RFX3: variants seen among roughly 807,000 people sequenced by gnomAD.
RFX3 encodes the protein regulatory factor X3.
In RFX3, 14 loss-of-function variants were observed where a neutral mutation model predicts 98.6. The observed-to-expected ratio is 0.14, with a 90% CI of 0.09 to 0.22. The LOEUF is 0.22. Among genes scored for constraint, RFX3 ranks in the 10% least tolerant of loss-of-function variants. RFX3 has a pLI of 1.00. For synonymous variants in RFX3, 383 were observed against 328.4 expected, an observed-to-expected ratio of 1.17 and a Z score of -1.80; for missense variants, 639 against 926.9, an observed-to-expected ratio of 0.69 and a Z score of 4.03.
At chr9:3,513,965 G>GAGA (rs1564195294) in intron 1 of RFX3, among the ~76,000 whole-genome samples, 2 of 152,042 alleles carry the variant, frequency 1.3e-5, no homozygotes, top group East Asian at 3.8e-4. Context: ...TAAAAATAAG[G>GAGA]AGATCAAATG....
At chr9:3,419,028 A>C (rs1235844774) in intron 1 of RFX3, among the ~76,000 whole-genome samples, 1 of 152,186 alleles carries the variant, frequency 6.6e-6, no homozygotes, top group Non-Finnish European at 1.5e-5. Flanking sequence ...GAATTTATAG[A>C]TTTGAATATC....
chr9:3,296,319 A>C (rs1827980542), intron 5 of RFX3, among the ~76,000 whole-genome samples: 2 of 152,026 alleles, frequency 1.3e-5, no homozygotes, highest in African/African-American at 4.8e-5. Flanking sequence ...CAAACTACTT[A>C]GAAGCCTAAA....
chr9:3,299,188 A>T (rs970101200), intron 5 of RFX3, among the ~76,000 whole-genome samples: 4 of 151,794 alleles, frequency 2.6e-5, no homozygotes, highest in Non-Finnish European at 5.9e-5. Context: ...CACTGAAAAA[A>T]TTCTACACAA....
At chr9:3,268,869 A>G (rs1824006424) in intron 11 of RFX3, among the ~76,000 whole-genome samples, 1 of 151,992 alleles carries the variant, frequency 6.6e-6, no homozygotes, top group South Asian at 2.1e-4. Context: ...CAAAAAAGAA[A>G]GTACTTGCTG....
intron 1 of RFX3, among the ~76,000 whole-genome samples, chr9:3,452,811 T>C (rs1846782364): frequency 6.6e-6 from 1 of 152,170 alleles, no homozygotes. Flanking sequence ...ATACTATAGG[T>C]TTCTGATTTC....
At chr9:3,525,509 G>T (rs1214095173) in intron 1 of RFX3, among the ~76,000 whole-genome samples, 1 of 151,824 alleles carries the variant, frequency 6.6e-6, no homozygotes, top group African/African-American at 2.4e-5. Flanking sequence ...GGCCGGGGCC[G>T]GCGGGCGGCG....
chr9:3,225,156 G>A lies in RFX3; in HGVS notation c.2136C>T (p.Leu712=), dbSNP rs113424988. The A allele has an allele frequency of 1.4e-5, 22 of 1,613,950 alleles. 1 individual carries two copies. In the East Asian group the frequency reaches 2.0e-4, roughly 15 times the overall value. The change falls in exon 17 of 17, where the codon CTC becomes CTT. Residue 712 remains leucine (L), a synonymous_variant. Coordinates refer to ENST00000617270, the MANE Select transcript of RFX3 (RefSeq NM_001282116.2). ...AFPVGCMQPV[L]ETGVQPSLLN... ...GGAGGCTTGGTTGCACGCCAGTCTC[G>A]AGAACAGGCTGCATGCAGCCCACTG...
At chr9:3,408,669 G>A (rs933533200) in intron 1 of RFX3, among the ~76,000 whole-genome samples, 6 of 151,332 alleles carry the variant, frequency 4.0e-5, no homozygotes, top group African/African-American at 1.5e-4. Flanking sequence ...CAGACAACAG[G>A]TCTTTGGTAT....
intron 1 of RFX3, among the ~76,000 whole-genome samples, chr9:3,457,629 T>C (rs1322559792): frequency 6.6e-6 from 1 of 152,156 alleles, no homozygotes; most frequent in Non-Finnish European, 1.5e-5. Context: ...CAAGCCTCAA[T>C]TCATTTTAGG....
intron 2 of RFX3, among the ~76,000 whole-genome samples, chr9:3,366,627 CTT>C (rs1318309811): frequency 6.7e-6 from 1 of 149,576 alleles, no homozygotes; most frequent in African/African-American, 2.5e-5. Flanking sequence ...GGCAAATTTT[CTT>C]TTCTTTTTTT....
At chr9:3,453,421 C>G (rs1191629414) in intron 1 of RFX3, 1 of 151,950 alleles carries the variant, frequency 6.6e-6, no homozygotes, top group Admixed American at 6.6e-5. Flanking sequence ...ATAATTCTGT[C>G]TCGGCACAGT....
intron 3 of RFX3, among the ~76,000 whole-genome samples, chr9:3,333,460 G>C (rs1587127006): frequency 7.2e-6 from 1 of 139,482 alleles, no homozygotes; most frequent in East Asian, 2.1e-4. Context: ...TTTCCAGATA[G>C]AAAAATGTCA....
intron 11 of RFX3, among the ~76,000 whole-genome samples, 165 bp downstream of exon 11, chr9:3,270,206 G>C (rs1029250828): frequency 3.3e-5 from 5 of 152,138 alleles, no homozygotes; most frequent in Non-Finnish European, 5.9e-5. Flanking sequence ...TTTTACTACA[G>C]TTTTGCTCTA....
In RFX3 at chr9:3,228,778, G is replaced by A. The variant is rs975148998; in HGVS notation, c.2011+69C>T. 1.3e-4 allele frequency: 162 copies of A among 1,291,050 alleles called. 2 individuals carry two copies. In the South Asian group the frequency reaches 1.8e-3, roughly 14 times the overall value. The allele number at this position is 1,291,050 out of a possible 1,614,324, so 80.0% of individuals were successfully genotyped here. Reference sequence around the variant, plus strand: ...AATCAGAGTGTTGTAAACATATACCGTATTTTCCTCTGTAAGAACTTATTA... The same window carrying A: ...AATCAGAGTGTTGTAAACATATACCATATTTTCCTCTGTAAGAACTTATTA... On this transcript the variant is annotated intron_variant, in intron 16 of 16. Transcript: ENST00000617270.
chr9:3,374,846 C>T (rs1055139344), intron 2 of RFX3, among the ~76,000 whole-genome samples: 1 of 116,652 alleles, frequency 8.6e-6, no homozygotes, highest in Admixed American at 1.0e-4. Flanking sequence ...TGTATTTTAC[C>T]ATAATTTTTA....
At chr9:3,316,070 A>G (rs765587453) in intron 4 of RFX3, among the ~76,000 whole-genome samples, 4 of 150,136 alleles carry the variant, frequency 2.7e-5, no homozygotes, top group Non-Finnish European at 3.0e-5. Context: ...GGGACACAAT[A>G]AAAAAAAAGA....
chr9:3,290,127 C>T (rs1827150949), intron 6 of RFX3, among the ~76,000 whole-genome samples: 1 of 151,588 alleles, frequency 6.6e-6, no homozygotes, highest in Non-Finnish European at 1.5e-5. Context: ...TTTAAACTCC[C>T]TCCATAGTAC....
intron 1 of RFX3, among the ~76,000 whole-genome samples, chr9:3,468,657 C>G (rs1848516820): frequency 6.6e-6 from 1 of 151,750 alleles, no homozygotes; most frequent in Non-Finnish European, 1.5e-5. Context: ...ACAGAAAAGG[C>G]AATGAATGTC....
chr9:3,504,875 T>TATAATATTATATATAACATATATTATATA (rs553624388), intron 1 of RFX3, among the ~76,000 whole-genome samples: 1 of 49,678 alleles, frequency 2.0e-5, no homozygotes, highest in Admixed American at 3.5e-4. Context: ...ATATATTATA[T>TATAATATTATATATAACATATATTATATA]ATATTATATA....
Sources: allele counts gnomAD v4.1 joint callset (sites outside exome capture counted in the v4.1 genomes callset), GRCh38; gene constraint gnomAD v4.1.1; transcripts MANE v1.5; gene names NCBI Gene and HGNC (gene_info 2026-07-23, HGNC 2026-07-21).